The following TRIM56 variants were observed in gnomAD, a reference collection of about 807,000 sequenced individuals.
TRIM56 encodes the protein tripartite motif containing 56.
TRIM56 carries 10 observed loss-of-function variants against 17.1 expected under a neutral mutation model. The ratio of observed to expected loss-of-function variants is 0.58; its 90% CI spans 0.36 to 0.99. The LOEUF is 0.99. Among genes scored for constraint, TRIM56 ranks in the 50% least tolerant of loss-of-function variants. The pLI, the probability that TRIM56 is intolerant of heterozygous loss-of-function variation, is 0.01. For missense variants in TRIM56, 923 were observed against 1,052.3 expected (o/e 0.88, Z 1.70); for synonymous variants, 503 against 473.5 (o/e 1.06, Z -0.81).
Position 101,088,241 on chromosome 7 carries a change from G to A in TRIM56, c.929G>A (p.Arg310His), listed in dbSNP as rs574536166. 76 of 1,470,748 alleles carry A rather than the reference G, an allele frequency of 5.2e-5. No homozygotes were observed. Among genetic ancestry groups the A allele is most frequent in the Middle Eastern group, 4.2e-4 (2 of 4,804 alleles). The allele number at this position is 1,470,748 out of a possible 1,614,324, so 91.1% of individuals were successfully genotyped here. A position where few individuals can be genotyped will look rare whatever the true frequency, so the allele number is the denominator to read the frequency against. Reference protein sequence around the residue: ...QVARAAAAFARRVLSLGREAE... With the variant: ...QVARAAAAFAHRVLSLGREAE... ...GCCAGGGCCGCAGCCGCCTTCGCCC[G>A]CCGGGTACTCAGCCTGGGGCGAGAG... Residue 310 changes from arginine (R) to histidine (H), a missense_variant, in exon 3 of 3, where the codon CGC (arginine) becomes CAC (histidine). Around this residue, in one of 3 missense-constraint regions of TRIM56, gnomAD observed 643 missense variants for 665.6 expected, o/e 0.97. Coordinates refer to ENST00000306085, the MANE Select transcript of TRIM56 (RefSeq NM_030961.3).
chr7:101,087,739 A>G lies in TRIM56; in HGVS notation c.427A>G (p.Thr143Ala). The change falls in exon 3 of 3, where the codon ACC becomes GCC. Residue 143 changes from threonine to alanine, a missense_variant. This residue lies in a region of TRIM56 where 643 missense variants were observed against 665.6 expected (regional missense o/e 0.97). Coordinates refer to ENST00000306085, the MANE Select transcript of TRIM56 (RefSeq NM_030961.3). ...DGHRCTRQTH[T>A]HRVVDLVGYR... Reference sequence around the variant, plus strand: ...GCACCGCTGCACCCGCCAGACCCACACCCACCGCGTGGTGGACCTGGTGGG... The same window carrying G: ...GCACCGCTGCACCCGCCAGACCCACGCCCACCGCGTGGTGGACCTGGTGGG... The G allele has an allele frequency of 6.2e-7, 1 of 1,601,810 alleles. No individual in the cohort carries two copies. The highest frequency in any genetic ancestry group is 8.5e-7 in the Non-Finnish European group (1 of 1,175,328).
rs1485747185 is a variant in TRIM56 at position 101,087,700 on chromosome 7, G to A, written c.388G>A (p.Ala130Thr). 1.3e-6 allele frequency: 2 copies of A among 1,589,304 alleles called. No homozygotes were observed. The highest frequency in any genetic ancestry group is 1.7e-6 in the Non-Finnish European group (2 of 1,168,400). ...CLDCADDLCQ[A>T]CADGHRCTRQ... Reference sequence around the variant, plus strand: ...GGACTGTGCCGATGACTTGTGCCAGGCCTGTGCCGACGGGCACCGCTGCAC... The same window carrying A: ...GGACTGTGCCGATGACTTGTGCCAGACCTGTGCCGACGGGCACCGCTGCAC... The change falls in exon 3 of 3, where the codon GCC becomes ACC. Residue 130 changes from alanine to threonine, a missense_variant. By Grantham distance (58) the Ala-to-Thr change is moderately conservative. This residue lies in a region of TRIM56 where 643 missense variants were observed against 665.6 expected (regional missense o/e 0.97). Coordinates refer to ENST00000306085, the MANE Select transcript of TRIM56 (RefSeq NM_030961.3).
In TRIM56 at chr7:101,087,340, C is replaced by G; in HGVS notation, c.28C>G (p.Leu10Val). The part of the protein sequence containing the change: MVSHGSSPS[L>V]LEALSSDFLA... ...GGTTTCCCACGGGTCCTCGCCCTCC[C>G]TCCTGGAGGCCCTGAGCAGCGACTT... is the stretch of plus-strand genomic sequence containing the variant. The change falls in exon 3 of 3, where the codon CTC becomes GTC. Residue 10 changes from leucine (L) to valine (V), a missense_variant. Physicochemically the swap from Leu to Val is conservative, Grantham distance 32. Transcript: ENST00000306085. 6.2e-7 allele frequency: 1 copy of G among 1,613,046 alleles called. No homozygotes were observed. Among genetic ancestry groups the G allele is most frequent in the Non-Finnish European group, 8.5e-7 (1 of 1,179,878 alleles).
Position 101,089,313 on chromosome 7 carries a change from G to T in TRIM56, c.2001G>T (p.Val667=). The T allele has an allele frequency of 6.2e-6, 10 of 1,603,538 alleles. No individual in the cohort carries two copies. The highest frequency in any genetic ancestry group is 7.7e-6 in the Non-Finnish European group (9 of 1,172,300). The change falls in exon 3 of 3, where the codon GTG becomes GTT. Residue 667 remains valine (V), a synonymous_variant. Transcript: ENST00000306085. ...TAATCTGTGATGGGCTGGGCCAGGT[G>T]GTTGGGGAGTACAAGGGGCCAGGCC... is the stretch of plus-strand genomic sequence containing the variant. ...SVVICDGLGQ[V]VGEYKGPGLH...
rs906410390 is a variant in TRIM56 at position 101,091,469 on chromosome 7, G to A, written c.*1889G>A. On this transcript the variant is annotated 3_prime_UTR_variant, in exon 3 of 3. Transcript: ENST00000306085. ...GCGCCAGGCACGGTGACTCAAGCCTGTAATCCCAGCACTCTGGGAGGCTGG... is the reference window on the plus strand; with the variant it reads ...GCGCCAGGCACGGTGACTCAAGCCTATAATCCCAGCACTCTGGGAGGCTGG... 4.3e-6 allele frequency: 1 copy of A among 230,876 alleles called. No homozygotes were observed. Among genetic ancestry groups the A allele is most frequent in the South Asian group, 4.3e-5 (1 of 23,112 alleles). The allele number at this position is 230,876 out of a possible 1,614,324, so 14.3% of individuals were successfully genotyped here. A position where few individuals can be genotyped will look rare whatever the true frequency, so the allele number is the denominator to read the frequency against.
rs1164188933 is a variant in TRIM56, at chr7:101,087,658, G to A, written c.346G>A (p.Ala116Thr). Residue 116 changes from alanine (A) to threonine (T), a missense_variant, in exon 3 of 3, where the codon GCC (alanine) becomes ACC (threonine). This residue lies in a region of TRIM56 where 643 missense variants were observed against 665.6 expected (regional missense o/e 0.97). Coordinates refer to ENST00000306085, the MANE Select transcript of TRIM56 (RefSeq NM_030961.3). ...LVGGTSTGGP[A>T]TARCLDCADD... is the part of the protein sequence containing the mutation. ...GGGTGGCACCAGCACCGGGGGGCCGGCCACGGCCCGGTGCCTGGACTGTGC... is the reference window on the plus strand; with the variant it reads ...GGGTGGCACCAGCACCGGGGGGCCGACCACGGCCCGGTGCCTGGACTGTGC... 6.2e-7 allele frequency: 1 copy of A among 1,604,630 alleles called. No homozygotes were observed. The highest frequency in any genetic ancestry group is 8.5e-7 in the Non-Finnish European group (1 of 1,176,576).
At position 101,091,758 on chromosome 7, in the gene TRIM56, C is replaced by T. The variant is rs1290693055; in HGVS notation, c.*2178C>T. 1 of 440,774 alleles carries T rather than the reference C, an allele frequency of 2.3e-6. No homozygotes were observed. The highest frequency in any genetic ancestry group is 7.0e-5 in the East Asian group (1 of 14,336). The allele number at this position is 440,774 out of a possible 1,614,324, so 27.3% of individuals were successfully genotyped here. A position where few individuals can be genotyped will look rare whatever the true frequency, so the allele number is the denominator to read the frequency against. The stretch of plus-strand genomic sequence containing the variant: ...AAAAGAAAAAGAAAAGAAAGAAAAC[C>T]AAGGTCCCTCTCCCTCTCCCTCTCC... On this transcript the variant is annotated 3_prime_UTR_variant, in exon 3 of 3. Transcript: ENST00000306085.
rs1008092041 is a variant in TRIM56 at position 101,088,819 on chromosome 7, G to A, written c.1507G>A (p.Gly503Arg). Residue 503 changes from glycine to arginine, a missense_variant, in exon 3 of 3, where the codon GGA becomes AGA. Gly to Arg is a moderately radical substitution (Grantham distance 125, BLOSUM62 -2). Around this residue, in one of 3 missense-constraint regions of TRIM56, gnomAD observed 643 missense variants for 665.6 expected, o/e 0.97. Coordinates refer to ENST00000306085, the MANE Select transcript of TRIM56 (RefSeq NM_030961.3). Reference sequence around the variant, plus strand: ...CTGCAGTTTCCCCACGCGGATGCCTGGAGACAAGCGGTCCCCCCGGATCAC... The same window carrying A: ...CTGCAGTTTCCCCACGCGGATGCCTAGAGACAAGCGGTCCCCCCGGATCAC... The part of the protein sequence containing the change: ...FYCSFPTRMP[G>R]DKRSPRITGL... The A allele has an allele frequency of 6.2e-7, 1 of 1,613,774 alleles. No homozygotes were observed. The highest frequency in any genetic ancestry group is 8.5e-7 in the Non-Finnish European group (1 of 1,180,026).
rs532851680 is a variant in TRIM56, at chr7:101,091,614, C to T, written c.*2034C>T. 2.6e-6 allele frequency: 1 copy of T among 386,432 alleles called. No homozygotes were observed. Among genetic ancestry groups the T allele is most frequent in the East Asian group, 7.7e-5 (1 of 12,948 alleles). 23.9% of individuals were successfully genotyped at this position (386,432 alleles called of 1,614,324 possible). ...TGGGAGCGGGCGTCTGTAATCCCAG[C>T]TACTTGGGAGGCTGAGGCAGGAGAA... is the stretch of plus-strand genomic sequence containing the variant. On this transcript the variant is annotated 3_prime_UTR_variant, in exon 3 of 3. Transcript: ENST00000306085.
chr7:101,088,989 G>A lies in TRIM56; in HGVS notation c.1677G>A (p.Gln559=). The change falls in exon 3 of 3, where the codon CAG becomes CAA. Residue 559 remains glutamine (Q), a synonymous_variant. Coordinates refer to ENST00000306085, the MANE Select transcript of TRIM56 (RefSeq NM_030961.3). ...CCCCTTGCAGCGTGGCCGCCCTGCAGAGCGCGGTGGCCTTCTCCGCTAGCG... is the reference window on the plus strand; with the variant it reads ...CCCCTTGCAGCGTGGCCGCCCTGCAAAGCGCGGTGGCCTTCTCCGCTAGCG... ...GCSPCSVAAL[Q]SAVAFSASAR... is the part of the protein sequence containing the mutation. 6.2e-7 allele frequency: 1 copy of A among 1,610,260 alleles called. No homozygotes were observed.
chr7:101,087,083 G>GAGGAGA lies in TRIM56; in HGVS notation c.-81_-76dup. 1.8e-6 allele frequency: 1 copy of GAGGAGA among 561,266 alleles called. No homozygotes were observed. The highest frequency in any genetic ancestry group is 3.2e-6 in the Non-Finnish European group (1 of 316,442). 34.8% of individuals were successfully genotyped at this position (561,266 alleles called of 1,614,324 possible). A position where few individuals can be genotyped will look rare whatever the true frequency, so the allele number is the denominator to read the frequency against. On this transcript the variant is annotated 5_prime_UTR_variant, in exon 2 of 3. Transcript: ENST00000306085. Reference sequence around the variant, plus strand: ...TGTACACACGGAAGTGGAGGAGGAGGAGGAGAAGGAGGAGGGCAGCTCCTT... The same window carrying GAGGAGA: ...TGTACACACGGAAGTGGAGGAGGAGGAGGAGAAGGAGAAGGAGGAGGGCAGCTCCTT...
At position 101,089,243 on chromosome 7, in the gene TRIM56, C is replaced by A. The variant is rs1047724550; in HGVS notation, c.1931C>A (p.Pro644His). ...LRALVFLTTS[P>H]QGHFVGSDWQ... The stretch of plus-strand genomic sequence containing the variant: ...GCGCTGGTGTTTCTGACCACCAGCC[C>A]CCAGGGGCATTTCGTGGGGTCGGAC... The change falls in exon 3 of 3, where the codon CCC becomes CAC. Residue 644 changes from proline (P) to histidine (H), a missense_variant. Transcript: ENST00000306085. 6.2e-7 allele frequency: 1 copy of A among 1,612,844 alleles called. No homozygotes were observed.
At position 101,096,820 on chromosome 7, in the gene TRIM56, T is replaced by C. The variant is rs1161635553; in HGVS notation, c.*7240T>C. 1 of 152,210 alleles carries C rather than the reference T, an allele frequency of 6.6e-6. No individual in the cohort carries two copies. The highest frequency in any genetic ancestry group is 1.5e-5 in the Non-Finnish European group (1 of 68,054). The allele number at this position is 152,210 out of a possible 1,614,324, so 9.4% of individuals were successfully genotyped here. A position where few individuals can be genotyped will look rare whatever the true frequency, so the allele number is the denominator to read the frequency against. On this transcript the variant is annotated 3_prime_UTR_variant, in exon 3 of 3. Coordinates refer to ENST00000306085, the MANE Select transcript of TRIM56 (RefSeq NM_030961.3). ...ACCATTTTGTTTTGCTTTCCAGCAG[T>C]TACTTGAAGAAGCCTTATCTGAAGT...
intron 1 of TRIM56, 127 bp downstream of exon 1, chr7:101,085,698 AGGCAGGAGGAGAG>A (rs1426748204): frequency 6.6e-6 from 1 of 152,390 alleles, no homozygotes; most frequent in African/African-American, 2.4e-5. Flanking sequence ...GGCACCCGGA[AGGCAGGAGGAGAG>A]GGCAGGAGGG....
rs561170696 is a variant in TRIM56 at position 101,086,967 on chromosome 7, C to T, written c.-164-39C>T. 2.3e-5 allele frequency: 6 copies of T among 259,154 alleles called. No homozygotes were observed. The Admixed American group carries it at 2.5e-4, about 11-fold the overall frequency. 16.1% of individuals were successfully genotyped at this position (259,154 alleles called of 1,614,324 possible). The stretch of plus-strand genomic sequence containing the variant: ...CTGTGGACTGGGGACACTGAGGATT[C>T]GATTATTAGCTAAGGCCAGGGACTC... On this transcript the variant is annotated intron_variant, in intron 1 of 2. Coordinates refer to ENST00000306085, the MANE Select transcript of TRIM56 (RefSeq NM_030961.3).
In TRIM56 at chr7:101,090,889, A is replaced by C. The variant is rs559822801; in HGVS notation, c.*1309A>C. 1 of 152,208 alleles carries C rather than the reference A, an allele frequency of 6.6e-6. No individual in the cohort carries two copies. Among genetic ancestry groups the C allele is most frequent in the East Asian group, 1.9e-4 (1 of 5,174 alleles). 9.4% of individuals were successfully genotyped at this position (152,208 alleles called of 1,614,324 possible). The stretch of plus-strand genomic sequence containing the variant: ...TGTTGCCTTCTCTTCATTTTCCAGC[A>C]AAATTCCTTTTGAGATATGTTGGCC... On this transcript the variant is annotated 3_prime_UTR_variant, in exon 3 of 3. Transcript: ENST00000306085.
At position 101,088,396 on chromosome 7, in the gene TRIM56, A is replaced by G; in HGVS notation, c.1084A>G (p.Asn362Asp). 6.3e-7 allele frequency: 1 copy of G among 1,595,738 alleles called. No homozygotes were observed. The highest frequency in any genetic ancestry group is 1.7e-5 in the Admixed American group (1 of 57,258). ...LELHPGLLDK[N>D]CHLLRLSFEE... ...GCTCCATCCTGGGCTCCTGGACAAGAACTGCCACCTTCTTCGGCTGTCCTT... is the reference window on the plus strand; with the variant it reads ...GCTCCATCCTGGGCTCCTGGACAAGGACTGCCACCTTCTTCGGCTGTCCTT... Residue 362 changes from asparagine to aspartate, a missense_variant, in exon 3 of 3, where the codon AAC becomes GAC. By Grantham distance (23) the Asn-to-Asp change is conservative. Around this residue, in one of 3 missense-constraint regions of TRIM56, gnomAD observed 643 missense variants for 665.6 expected, o/e 0.97. Coordinates refer to ENST00000306085, the MANE Select transcript of TRIM56 (RefSeq NM_030961.3).
At position 101,088,079 on chromosome 7, in the gene TRIM56, A is replaced by G. The variant is rs992295187; in HGVS notation, c.767A>G (p.Glu256Gly). The change falls in exon 3 of 3, where the codon GAG becomes GGG. Residue 256 changes from glutamate to glycine, a missense_variant. By Grantham distance (98) the Glu-to-Gly change is moderately conservative. Transcript: ENST00000306085. ...GCGGCCCGGGTGGGGACTCAGGTGG[A>G]GGAGGCGGCTGAGGGCGTCCTCCGG... Reference protein sequence around the residue: ...EQAARVGTQVEEAAEGVLRAL... With the variant: ...EQAARVGTQVGEAAEGVLRAL... 4.6e-6 allele frequency: 7 copies of G among 1,519,542 alleles called. No homozygotes were observed. Among genetic ancestry groups the G allele is most frequent in the Non-Finnish European group, 5.3e-6 (6 of 1,135,016 alleles). 94.1% of individuals were successfully genotyped at this position (1,519,542 alleles called of 1,614,324 possible). A position where few individuals can be genotyped will look rare whatever the true frequency, so the allele number is the denominator to read the frequency against.
chr7:101,091,741 A>G lies in TRIM56; in HGVS notation c.*2161A>G. ...AAACTCCATCTCAAAAAAAAAGAAA[A>G]AGAAAAGAAAGAAAACCAAGGTCCC... On this transcript the variant is annotated 3_prime_UTR_variant, in exon 3 of 3. Coordinates refer to ENST00000306085, the MANE Select transcript of TRIM56 (RefSeq NM_030961.3). 1 of 439,090 alleles carries G rather than the reference A, an allele frequency of 2.3e-6. No individual in the cohort carries two copies. Among genetic ancestry groups the G allele is most frequent in the Non-Finnish European group, 4.5e-6 (1 of 224,134 alleles). 27.2% of individuals were successfully genotyped at this position (439,090 alleles called of 1,614,324 possible).
Sources: allele counts gnomAD v4.1 joint callset, GRCh38; gene constraint gnomAD v4.1.1; regional missense constraint gnomAD v4.1.1; transcripts MANE v1.5; gene names NCBI Gene and HGNC (gene_info 2026-07-23, HGNC 2026-07-21).